Variants in SHROOM4 observed in about 807,000 individuals in gnomAD.
SHROOM4 encodes protein Shroom4.
A neutral mutation model predicts 80.3 loss-of-function variants in SHROOM4; 17 were observed. The observed-to-expected ratio is 0.21, with a 90% CI of 0.14 to 0.32. SHROOM4 has a LOEUF of 0.32. Ranked by LOEUF, SHROOM4 falls within the 10% of genes least tolerant of loss-of-function variation. The probability of loss-of-function intolerance (pLI) is 1.00; values close to 1 mark genes in which losing one functional copy is unlikely to be tolerated. For synonymous variants in SHROOM4, 400 were observed against 437.5 expected (o/e 0.91, Z 1.07); for missense variants, 993 against 1,140.3 (o/e 0.87, Z 1.86).
chrX:50,692,023 G>A (rs1933234883), intron 2 of SHROOM4, among the ~76,000 whole-genome samples: 1 of 111,359 alleles, frequency 9.0e-6, no homozygotes, highest in Non-Finnish European at 1.9e-5. Context: ...TACAGGTTCC[G>A]GGAGCCATAG....
At chrX:50,720,487 C>A (rs1410436539) in intron 1 of SHROOM4, among the ~76,000 whole-genome samples, 2 of 112,389 alleles carry the variant, frequency 1.8e-5, no homozygotes, top group Non-Finnish European at 1.9e-5. Flanking sequence ...GCCCAAGTAC[C>A]TACTATGTAT....
At chrX:50,655,388 T>C (rs1004517219) in intron 2 of SHROOM4, among the ~76,000 whole-genome samples, 3 of 109,680 alleles carry the variant, frequency 2.7e-5, no homozygotes, top group Non-Finnish European at 5.7e-5. Context: ...CTGTGCCTGG[T>C]TTATTTCCTT....
At chrX:50,586,019 C>T (rs1203083420), downstream of SHROOM4, among the ~76,000 whole-genome samples, 2 of 111,476 alleles carry the variant, frequency 1.8e-5, no homozygotes, top group Non-Finnish European at 3.8e-5. Flanking sequence ...TTCTATCTGC[C>T]TCTCCTCACT....
chrX:50,666,867 C>T (rs2147381613), intron 2 of SHROOM4, among the ~76,000 whole-genome samples: 1 of 110,570 alleles, frequency 9.0e-6, no homozygotes, highest in South Asian at 3.9e-4. Flanking sequence ...AAAAAAAAAA[C>T]TACCATGTAT....
chrX:50,770,430 G>A (rs1935372073), intron 1 of SHROOM4, among the ~76,000 whole-genome samples: 1 of 112,016 alleles, frequency 8.9e-6, no homozygotes, highest in African/African-American at 3.2e-5. Flanking sequence ...AACATACTGT[G>A]TTTCAAGGCA....
intron 5 of SHROOM4, among the ~76,000 whole-genome samples, chrX:50,619,203 A>C (rs944164102): frequency 9.0e-6 from 1 of 111,452 alleles, no homozygotes; most frequent in African/African-American, 3.3e-5. Flanking sequence ...CAGAGACTGA[A>C]AAATCTCCTC....
rs1217207630 is a variant in SHROOM4 at position 50,661,443 on chromosome X, C to T, written c.270-23135G>A. 2.7e-5 allele frequency among the ~76,000 whole-genome samples: 3 copies of T among 111,625 alleles called. No individual in the cohort carries two copies. The Admixed American group carries it at 2.8e-4, about 11-fold the overall frequency. ...GAATTCCTGAGCTCGGGTAATCTGC[C>T]CGCCTCGGCCTCCCAAAGTGCTGGG... On this transcript the variant is annotated intron_variant, in intron 2 of 8. Transcript: ENST00000376020.
chrX:50,804,015 A>T (rs2147737156), intron 1 of SHROOM4, among the ~76,000 whole-genome samples: 1 of 112,052 alleles, frequency 8.9e-6, no homozygotes, highest in Admixed American at 9.5e-5. Context: ...CTGCCCTGCC[A>T]TTTCACATAA....
At chrX:50,613,457 C>T (rs909135913) in intron 5 of SHROOM4, among the ~76,000 whole-genome samples, 7 of 111,889 alleles carry the variant, frequency 6.3e-5, no homozygotes, top group African/African-American at 1.6e-4. Context: ...CAGGAAAATT[C>T]AGTAAGGTGT....
chrX:50,697,921 C>T (rs1425571242), intron 1 of SHROOM4, among the ~76,000 whole-genome samples: 1 of 112,082 alleles, frequency 8.9e-6, no homozygotes, highest in Admixed American at 9.4e-5. Flanking sequence ...CAGGGATCAG[C>T]CATTTGAAAG....
rs1928774078 is a variant in SHROOM4 at position 50,587,144 on chromosome X, TTCTG to T, written c.*9547_*9550del. On this transcript the variant is annotated 3_prime_UTR_variant, in exon 9 of 9. Transcript: ENST00000376020. ...ATATGAGATTACGCAGTATTTTTCT[TTCTG>T]TGTCTGGTTTGTTTCACTTAGCATA... Among the ~76,000 whole-genome samples, 1 of 112,042 alleles carries T rather than the reference TTCTG, an allele frequency of 8.9e-6. No individual in the cohort carries two copies. The highest frequency in any genetic ancestry group is 3.2e-5 in the African/African-American group (1 of 30,870).
intron 1 of SHROOM4, among the ~76,000 whole-genome samples, chrX:50,726,209 C>T (rs1260620739): frequency 8.9e-6 from 1 of 111,812 alleles, no homozygotes; most frequent in African/African-American, 3.3e-5. Context: ...AAGAAGTGAC[C>T]TGGCTTTTTC....
chrX:50,812,768 G>T (rs1936367336), intron 1 of SHROOM4, among the ~76,000 whole-genome samples: 1 of 109,116 alleles, frequency 9.2e-6, no homozygotes, highest in South Asian at 4.0e-4. Context: ...AAAAAAAAGT[G>T]ATATTTGCTC....
In SHROOM4 at chrX:50,587,416, C is replaced by T. The variant is rs1169541864; in HGVS notation, c.*9279G>A. Among the ~76,000 whole-genome samples the T allele has an allele frequency of 1.8e-5, 2 of 111,841 alleles. No homozygotes were observed. The highest frequency in any genetic ancestry group is 3.8e-5 in the Non-Finnish European group (2 of 53,141). On this transcript the variant is annotated 3_prime_UTR_variant, in exon 9 of 9. Transcript: ENST00000376020. ...CCCAAAGGAAATGAAATCAGTATCT[C>T]GAAGAGATATCTGCACTCTCATGTT... is the stretch of plus-strand genomic sequence containing the variant.
At position 50,589,314 on chromosome X, in the gene SHROOM4, C is replaced by T. The variant is rs1928817320; in HGVS notation, c.*7381G>A. 9.0e-6 allele frequency among the ~76,000 whole-genome samples: 1 copy of T among 111,462 alleles called. No homozygotes were observed. On this transcript the variant is annotated 3_prime_UTR_variant, in exon 9 of 9. Coordinates refer to ENST00000376020, the MANE Select transcript of SHROOM4 (RefSeq NM_020717.5). ...ACTTATTGAGAAATAATTCATATAC[C>T]ATTTAGCACACCCATTTAAAATGTA...
chrX:50,751,539 T>C (rs1181242150), intron 1 of SHROOM4, among the ~76,000 whole-genome samples: 3 of 111,749 alleles, frequency 2.7e-5, no homozygotes, highest in Non-Finnish European at 5.7e-5. Flanking sequence ...GTTTCTATAA[T>C]AATGGTATTT....
chrX:50,747,927 G>T (rs1301864708), intron 1 of SHROOM4, among the ~76,000 whole-genome samples: 1 of 111,720 alleles, frequency 9.0e-6, no homozygotes, highest in Non-Finnish European at 1.9e-5. Flanking sequence ...ATAAAGGAAG[G>T]ATTATTAGCA....
intron 1 of SHROOM4, among the ~76,000 whole-genome samples, chrX:50,799,760 T>C (rs782020959): frequency 2.7e-5 from 3 of 111,855 alleles, no homozygotes; most frequent in Admixed American, 9.4e-5. Flanking sequence ...GCTAAAGCAG[T>C]GAAACACTTG....
intron 1 of SHROOM4, among the ~76,000 whole-genome samples, chrX:50,805,564 AG>A (rs1336081066): frequency 8.9e-6 from 1 of 111,915 alleles, no homozygotes; most frequent in East Asian, 2.8e-4. Flanking sequence ...ACCAGGAAAC[AG>A]CCACTTCTAG....
Sources: gnomAD v4.1 joint callset for allele counts (sites outside exome capture counted in the v4.1 genomes callset) on GRCh38, gnomAD v4.1.1 for gene constraint, MANE v1.5 for transcripts, NCBI Gene and HGNC (gene_info 2026-07-23, HGNC 2026-07-21) for gene names.